The following GRID2IP variants were observed in gnomAD, a reference collection of about 807,000 sequenced individuals.
The protein encoded by GRID2IP is Grid2 interacting protein.
Under a neutral mutation model 114.3 loss-of-function variants are expected in GRID2IP, and 78 were observed. The observed-to-expected ratio is 0.68, with a 90% confidence interval of 0.57 to 0.82. The LOEUF (loss-of-function observed/expected upper bound fraction) is 0.82, where lower values mean the gene tolerates loss of function less well. GRID2IP is among the 40% of genes least tolerant of loss of function. GRID2IP has a pLI of 0.00. For missense variants in GRID2IP, 1,727 were observed against 1,678.5 expected, an observed-to-expected ratio of 1.03 and a Z score of -0.51; for synonymous variants, 809 against 724.0, an observed-to-expected ratio of 1.12 and a Z score of -1.89.
At chr7:6,538,535 C>A (rs1779765494) in intron 2 of GRID2IP, among the ~76,000 whole-genome samples, 1 of 150,866 alleles carries the variant, frequency 6.6e-6, no homozygotes, top group Admixed American at 6.6e-5. Context: ...GCACTGCCCT[C>A]CTGCCTGGGC....
At chr7:6,549,230 A>G (rs2115104421) in intron 1 of GRID2IP, among the ~76,000 whole-genome samples, 1 of 152,034 alleles carries the variant, frequency 6.6e-6, no homozygotes, top group East Asian at 1.9e-4. Flanking sequence ...CCTGCAAATC[A>G]GGGGTTGCTT....
intron 18 of GRID2IP, 49 bp from the exon 19 acceptor site, chr7:6,502,167 G>C (rs1477899837): frequency 1.3e-6 from 2 of 1,519,998 alleles, no homozygotes; most frequent in Non-Finnish European, 1.8e-6. Flanking sequence ...CCATCAGATG[G>C]GGTCACATGG....
At chr7:6,527,225 C>T (rs916802117) in intron 2 of GRID2IP, among the ~76,000 whole-genome samples, 1 of 152,148 alleles carries the variant, frequency 6.6e-6, no homozygotes, top group Non-Finnish European at 1.5e-5. Context: ...AGCCCCTCAC[C>T]ACGCCTCCAG....
Position 6,509,365 on chromosome 7 carries a change from C to G in GRID2IP, c.1772-52G>C. Reference sequence around the variant, plus strand: ...TCCTCTTCAGCCAGCACCGAGGTTCCAGGTGCAAGCTGGAGAGAGGGTCCT... The same window carrying G: ...TCCTCTTCAGCCAGCACCGAGGTTCGAGGTGCAAGCTGGAGAGAGGGTCCT... On this transcript the variant is annotated intron_variant, in intron 11 of 21. Coordinates refer to ENST00000457091, the MANE Select transcript of GRID2IP (RefSeq NM_001145118.2). The surrounding 1 kb of genome is among the most constrained non-coding windows in gnomAD (Gnocchi z 4.9). 1.4e-6 allele frequency: 2 copies of G among 1,434,194 alleles called. No homozygotes were observed. The highest frequency in any genetic ancestry group is 1.8e-6 in the Non-Finnish European group (2 of 1,082,676). The allele number at this position is 1,434,194 out of a possible 1,614,324, so 88.8% of individuals were successfully genotyped here. A position where few individuals can be genotyped will look rare whatever the true frequency, so the allele number is the denominator to read the frequency against.
rs374949487 is a variant in GRID2IP at position 6,536,527 on chromosome 7, G to C, written c.584+3191C>G. Among the ~76,000 whole-genome samples, 3 of 151,910 alleles carry C rather than the reference G, an allele frequency of 2.0e-5. No individual in the cohort carries two copies. Among genetic ancestry groups the C allele is most frequent in the African/African-American group, 7.2e-5 (3 of 41,388 alleles). ...GGGGGCAGGCGGGCTGGCCCGGGAGGGGGCAGGAACAGACACCGGCAGCGC... is the reference window on the plus strand; with the variant it reads ...GGGGGCAGGCGGGCTGGCCCGGGAGCGGGCAGGAACAGACACCGGCAGCGC... On this transcript the variant is annotated intron_variant, in intron 2 of 21. Transcript: ENST00000457091. The surrounding 1 kb of genome is among the most constrained non-coding windows in gnomAD (Gnocchi z 5.3).
Position 6,498,045 on chromosome 7 carries a change from G to C in GRID2IP, c.3564+19C>G. Reference sequence around the variant, plus strand: ...CCCACCTCTCCAAAAGGGCCCCTCAGGGCTCCAGCGAGGCTCACCTCGAAT... The same window carrying C: ...CCCACCTCTCCAAAAGGGCCCCTCACGGCTCCAGCGAGGCTCACCTCGAAT... On this transcript the variant is annotated intron_variant, in intron 21 of 21. Transcript: ENST00000457091. 1 of 1,532,484 alleles carries C rather than the reference G, an allele frequency of 6.5e-7. No homozygotes were observed. The highest frequency in any genetic ancestry group is 8.8e-7 in the Non-Finnish European group (1 of 1,137,768). The allele number at this position is 1,532,484 out of a possible 1,614,324, so 94.9% of individuals were successfully genotyped here.
intron 1 of GRID2IP, among the ~76,000 whole-genome samples, chr7:6,550,246 G>A (rs555951116): frequency 1.3e-5 from 2 of 152,142 alleles, no homozygotes; most frequent in Admixed American, 1.3e-4. Context: ...TCCCACCTTG[G>A]TCTCCTAAAA....
rs1779301104 is a variant in GRID2IP at position 6,516,448 on chromosome 7, T to A, written c.1269-1919A>T. ...AGAGATAGGAGCTGAAGGGACACGGTGAGAAGTGACCAAAAGACAAGAGTG... is the reference window on the plus strand; with the variant it reads ...AGAGATAGGAGCTGAAGGGACACGGAGAGAAGTGACCAAAAGACAAGAGTG... On this transcript the variant is annotated intron_variant, in intron 7 of 21. Transcript: ENST00000457091. This position sits in a 1 kb window ranked among gnomAD's most constrained non-coding sequence, Gnocchi z 4.3. Among the ~76,000 whole-genome samples the A allele has an allele frequency of 6.6e-6, 1 of 152,018 alleles. No individual in the cohort carries two copies. The highest frequency in any genetic ancestry group is 1.5e-5 in the Non-Finnish European group (1 of 67,986).
chr7:6,532,044 T>C lies in GRID2IP; in HGVS notation c.585-5275A>G, dbSNP rs1341955870. Among the ~76,000 whole-genome samples, 2 of 151,876 alleles carry C rather than the reference T, an allele frequency of 1.3e-5. No homozygotes were observed. Among genetic ancestry groups the C allele is most frequent in the South Asian group, 2.1e-4 (1 of 4,802 alleles). On this transcript the variant is annotated intron_variant, in intron 2 of 21. Transcript: ENST00000457091. This position sits in a 1 kb window ranked among gnomAD's most constrained non-coding sequence, Gnocchi z 4.4. ...CCAGGAGAGAAGAGGGGAGGAACAT[T>C]AAAGGGGAGGAGAGGGAGGCCACAG...
intron 8 of GRID2IP, among the ~76,000 whole-genome samples, chr7:6,511,985 G>A (rs541318826): frequency 8.8e-4 from 134 of 151,882 alleles, no homozygotes; most frequent in African/African-American, 2.8e-3. Flanking sequence ...TCAGCTCACT[G>A]CAACCTCCAC....
In GRID2IP at chr7:6,551,170, G is replaced by A. The variant is rs577820451; in HGVS notation, c.267C>T (p.Pro89=). 6.3e-4 allele frequency: 859 copies of A among 1,359,828 alleles called. 4 individuals carry two copies. In the African/African-American group the frequency reaches 0.011, roughly 17 times the overall value. The allele number at this position is 1,359,828 out of a possible 1,614,324, so 84.2% of individuals were successfully genotyped here. A position where few individuals can be genotyped will look rare whatever the true frequency, so the allele number is the denominator to read the frequency against. The change falls in exon 1 of 22, where the codon CCC becomes CCT. Residue 89 remains proline (P), a synonymous_variant. Coordinates refer to ENST00000457091, the MANE Select transcript of GRID2IP (RefSeq NM_001145118.2). ...GGGCCGCGGGGCCGGATCCTGGGCC[G>A]GGGCCACCGTCGGGAGCCGGGAGCA... ...LGVLPAPDGG[P]GPGSGPAAPT... is the part of the protein sequence containing the mutation.
In GRID2IP at chr7:6,520,654, G is replaced by A. The variant is rs1320792119; in HGVS notation, c.1192C>T (p.Gln398Ter). 1.3e-6 allele frequency: 2 copies of A among 1,551,614 alleles called. No homozygotes were observed. The highest frequency in any genetic ancestry group is 1.7e-6 in the Non-Finnish European group (2 of 1,147,006). Residue 398 changes from glutamine (Q) to a stop codon, truncating the protein, a stop_gained, in exon 7 of 22, where the codon CAG becomes TAG. Coordinates refer to ENST00000457091, the MANE Select transcript of GRID2IP (RefSeq NM_001145118.2). LOFTEE classifies it high-confidence loss of function. The surrounding 1 kb of genome is among the most constrained non-coding windows in gnomAD (Gnocchi z 4.6). ...GGTGTGAGTAGGTGCTCCAGCTGCTGGCTGAAGGTCCTCCCTTGGACCCGG... is the reference window on the plus strand; with the variant it reads ...GGTGTGAGTAGGTGCTCCAGCTGCTAGCTGAAGGTCCTCCCTTGGACCCGG... ...SIRVQGRTFS[Q>*]QLEHLLTPPE... is the part of the protein sequence containing the mutation.
Position 6,503,003 on chromosome 7 carries a change from C to G in GRID2IP, c.3063+5G>C. ...TAGGGTGCCAGGAAGGGTACGCCCACTGACCTCCAGGATCTTGGCGAGCTT... is the reference window on the plus strand; with the variant it reads ...TAGGGTGCCAGGAAGGGTACGCCCAGTGACCTCCAGGATCTTGGCGAGCTT... On this transcript the variant is annotated splice_donor_5th_base_variant and intron_variant, in intron 17 of 21. Coordinates refer to ENST00000457091, the MANE Select transcript of GRID2IP (RefSeq NM_001145118.2). The G allele has an allele frequency of 1.3e-6, 2 of 1,551,550 alleles. No individual in the cohort carries two copies. The highest frequency in any genetic ancestry group is 1.7e-6 in the Non-Finnish European group (2 of 1,146,968).
At position 6,536,183 on chromosome 7, in the gene GRID2IP, G is replaced by T. The variant is rs1346085081; in HGVS notation, c.584+3535C>A. On this transcript the variant is annotated intron_variant, in intron 2 of 21. Coordinates refer to ENST00000457091, the MANE Select transcript of GRID2IP (RefSeq NM_001145118.2). The surrounding 1 kb of genome is among the most constrained non-coding windows in gnomAD (Gnocchi z 5.3). ...GGGAGGGGGTTGTTGGGAAGTAGGG[G>T]GTTTGAAGAGGTGCGGGGTGGCTGA... Among the ~76,000 whole-genome samples the T allele has an allele frequency of 6.6e-6, 1 of 152,120 alleles. No individual in the cohort carries two copies. Among genetic ancestry groups the T allele is most frequent in the African/African-American group, 2.4e-5 (1 of 41,426 alleles).
Position 6,504,364 on chromosome 7 carries a change from A to G in GRID2IP, c.2710+429T>C, listed in dbSNP as rs188824889. On this transcript the variant is annotated intron_variant, in intron 15 of 21. Transcript: ENST00000457091. Reference sequence around the variant, plus strand: ...AGGAGACCGAATGGAGGGGACAAGGAACAAGGGCGGGGCCTGCGAGGGGTG... The same window carrying G: ...AGGAGACCGAATGGAGGGGACAAGGGACAAGGGCGGGGCCTGCGAGGGGTG... 2.3e-3 allele frequency among the ~76,000 whole-genome samples: 346 copies of G among 150,584 alleles called. 15 individuals carry two copies. In the East Asian group the frequency reaches 0.053, roughly 23 times the overall value.
In GRID2IP at chr7:6,519,155, G is replaced by A. The variant is rs139771411; in HGVS notation, c.1268+1423C>T. 0.024 allele frequency among the ~76,000 whole-genome samples: 3,634 copies of A among 152,166 alleles called. 80 individuals are homozygous for A. The highest frequency in any genetic ancestry group is 0.041 in the Middle Eastern group (12 of 292). ...TGGTTTTGAACTCCTGGGCTCAAGC[G>A]ATCCTCCTGCCTCAGCCTCCCAAAG... is the stretch of plus-strand genomic sequence containing the variant. On this transcript the variant is annotated intron_variant, in intron 7 of 21. Coordinates refer to ENST00000457091, the MANE Select transcript of GRID2IP (RefSeq NM_001145118.2). The surrounding 1 kb of genome is among the most constrained non-coding windows in gnomAD (Gnocchi z 4.1).
intron 8 of GRID2IP, 38 bp downstream of exon 8, chr7:6,514,337 G>C (rs1779247857): frequency 6.8e-7 from 1 of 1,460,620 alleles, no homozygotes; most frequent in Non-Finnish European, 9.1e-7. Context: ...ACAGTCAGCA[G>C]CTGCAGGCAG....
intron 2 of GRID2IP, among the ~76,000 whole-genome samples, chr7:6,537,438 C>T (rs542787919): frequency 2.3e-4 from 27 of 118,364 alleles, no homozygotes; most frequent in African/African-American, 6.5e-4. Context: ...AGTGCAGTGT[C>T]GTGATCTCAG....
At chr7:6,505,716 A>C in intron 14 of GRID2IP, 104 bp downstream of exon 14, 1 of 722,198 alleles carries the variant, frequency 1.4e-6, no homozygotes, top group Non-Finnish European at 2.4e-6. Context: ...TTGAGGACGC[A>C]TCAGGTTAAA....
Sources: gnomAD v4.1 joint callset for allele counts (sites outside exome capture counted in the v4.1 genomes callset) on GRCh38, gnomAD v4.1.1 for gene constraint, Gnocchi (gnomAD v3.1) non-coding constraint, MANE v1.5 for transcripts, NCBI Gene and HGNC (gene_info 2026-07-23, HGNC 2026-07-21) for gene names.